ZBTB20: variants seen among roughly 807,000 people sequenced by gnomAD.
ZBTB20 encodes the protein zinc finger and BTB domain-containing protein 20.
ZBTB20 carries 9 observed loss-of-function variants against 56.9 expected under a neutral mutation model. That is an observed-to-expected ratio of 0.16 (90% CI 0.10 to 0.28). The LOEUF (loss-of-function observed/expected upper bound fraction) is 0.28. ZBTB20 is among the 10% of genes least tolerant of loss of function. The pLI is 1.00. For missense variants in ZBTB20, 655 were observed against 1,003.0 expected (o/e 0.65, Z 4.69); for synonymous variants, 417 against 420.7 (o/e 0.99, Z 0.11).
At chr3:114,680,489 A>T (rs1230734910) in intron 6 of ZBTB20, among the ~76,000 whole-genome samples, 1 of 152,156 alleles carries the variant, frequency 6.6e-6, no homozygotes, top group Non-Finnish European at 1.5e-5. Context: ...AAACAAACCA[A>T]AAAGCACACT....
At chr3:114,569,147 G>A (rs370741479) in intron 6 of ZBTB20, among the ~76,000 whole-genome samples, 10 of 152,320 alleles carry the variant, frequency 6.6e-5, no homozygotes, top group African/African-American at 2.4e-4. Context: ...ATTTCTTGAT[G>A]AAAACATTGA....
At chr3:115,056,120 G>C (rs2081771385) in intron 2 of ZBTB20, among the ~76,000 whole-genome samples, 1 of 152,064 alleles carries the variant, frequency 6.6e-6, no homozygotes, top group African/African-American at 2.4e-5. Context: ...ATACATATAA[G>C]CATGTATGGG....
At chr3:114,735,491 C>T (rs1409187799) in intron 5 of ZBTB20, among the ~76,000 whole-genome samples, 1 of 152,076 alleles carries the variant, frequency 6.6e-6, no homozygotes, top group African/African-American at 2.4e-5. Context: ...ACTATTCCTT[C>T]AGGCTTAAGA....
intron 6 of ZBTB20, among the ~76,000 whole-genome samples, chr3:114,630,381 C>T (rs1184734550): frequency 1.3e-5 from 2 of 152,148 alleles, no homozygotes; most frequent in African/African-American, 4.8e-5. Context: ...AGCACCTGCA[C>T]TCTAGGGTGC....
At chr3:115,012,607 T>A (rs1487965832) in intron 2 of ZBTB20, among the ~76,000 whole-genome samples, 2 of 151,792 alleles carry the variant, frequency 1.3e-5, no homozygotes, top group African/African-American at 4.8e-5. Context: ...TAGACCCCAA[T>A]ACTATAATAG....
intron 2 of ZBTB20, among the ~76,000 whole-genome samples, chr3:114,993,665 G>A (rs1025916083): frequency 4.6e-5 from 7 of 151,762 alleles, no homozygotes. Context: ...AATATTCCAT[G>A]AGTCAAAGAA....
In ZBTB20 at chr3:115,120,074, T is replaced by C. The variant is rs189078558; in HGVS notation, c.-703+27145A>G. Among the ~76,000 whole-genome samples, 211 of 152,156 alleles carry C rather than the reference T, an allele frequency of 1.4e-3. 1 individual carries two copies. The highest frequency in any genetic ancestry group is 2.3e-3 in the Non-Finnish European group (157 of 67,940). ...ACAGATAATTTTTAAGGCAGAGAAA[T>C]TACTCTGTATGAGTCTTATAATGGT... On this transcript the variant is annotated intron_variant, in intron 1 of 11. Transcript: ENST00000675478.
At chr3:114,470,911 A>G (rs2040051967) in intron 7 of ZBTB20, among the ~76,000 whole-genome samples, 1 of 152,164 alleles carries the variant, frequency 6.6e-6, no homozygotes, top group Non-Finnish European at 1.5e-5. Context: ...TTCACATCCT[A>G]AGGTTAGATA....
At chr3:114,779,104 T>C (rs1289767120) in intron 5 of ZBTB20, among the ~76,000 whole-genome samples, 1 of 152,206 alleles carries the variant, frequency 6.6e-6, no homozygotes, top group Non-Finnish European at 1.5e-5. Context: ...CAGAGGCCAC[T>C]GAGTTCCACT....
chr3:114,965,214 T>G (rs2077602644), intron 3 of ZBTB20, among the ~76,000 whole-genome samples: 1 of 152,216 alleles, frequency 6.6e-6, no homozygotes, highest in Non-Finnish European at 1.5e-5. Context: ...TTTTTGTTTT[T>G]TAAATTTTAA....
chr3:114,598,238 A>G (rs1190283002), intron 6 of ZBTB20, among the ~76,000 whole-genome samples: 2 of 152,166 alleles, frequency 1.3e-5, no homozygotes, highest in Admixed American at 1.3e-4. Flanking sequence ...CTGTAACCAT[A>G]TAATAAGCAG....
chr3:114,534,174 A>T (rs537283432), intron 6 of ZBTB20, among the ~76,000 whole-genome samples: 41 of 152,352 alleles, frequency 2.7e-4, no homozygotes, highest in African/African-American at 9.9e-4. Context: ...AAATGCCCCA[A>T]TTAAAAGACA....
At chr3:114,393,430 T>A (rs1185014120) in intron 7 of ZBTB20, among the ~76,000 whole-genome samples, 1 of 152,238 alleles carries the variant, frequency 6.6e-6, no homozygotes, top group Non-Finnish European at 1.5e-5. Context: ...AGTATGTCTG[T>A]CCTTTAATTA....
chr3:114,812,819 C>T (rs977642378), intron 4 of ZBTB20, among the ~76,000 whole-genome samples: 2 of 152,244 alleles, frequency 1.3e-5, no homozygotes, highest in Non-Finnish European at 2.9e-5. Context: ...GCATGGCGGG[C>T]TGCAGGTCCC....
intron 10 of ZBTB20, among the ~76,000 whole-genome samples, chr3:114,374,429 G>A (rs1382554147): frequency 5.9e-5 from 9 of 152,166 alleles, no homozygotes; most frequent in Non-Finnish European, 8.8e-5. Flanking sequence ...AACTGTCTGT[G>A]GTTGTTATTC....
chr3:114,412,818 A>C (rs907717964), intron 7 of ZBTB20, among the ~76,000 whole-genome samples: 5 of 152,150 alleles, frequency 3.3e-5, no homozygotes, highest in African/African-American at 1.2e-4. Context: ...CAAAAACTTC[A>C]GTCTCTAGCT....
At chr3:114,954,380 A>C (rs2077175961) in intron 3 of ZBTB20, among the ~76,000 whole-genome samples, 1 of 152,198 alleles carries the variant, frequency 6.6e-6, no homozygotes, top group African/African-American at 2.4e-5. Context: ...GGTAGCTATA[A>C]AAATATTTAG....
At chr3:114,909,489 T>C (rs1480601408) in intron 3 of ZBTB20, among the ~76,000 whole-genome samples, 3 of 152,054 alleles carry the variant, frequency 2.0e-5, no homozygotes, top group African/African-American at 7.2e-5. Context: ...AGCCTAAGTG[T>C]ACAGTGTTTA....
At chr3:114,840,440 C>T (rs965008731) in intron 4 of ZBTB20, among the ~76,000 whole-genome samples, 1 of 152,216 alleles carries the variant, frequency 6.6e-6, no homozygotes, top group Non-Finnish European at 1.5e-5. Context: ...CCTGACTATT[C>T]ATGTCATTTC....
Sources: allele counts gnomAD v4.1 joint callset (sites outside exome capture counted in the v4.1 genomes callset), GRCh38; gene constraint gnomAD v4.1.1; transcripts MANE v1.5; gene names NCBI Gene and HGNC (gene_info 2026-07-23, HGNC 2026-07-21).